Variants in ABLIM1 observed in about 807,000 individuals in gnomAD.
ABLIM1 encodes actin binding LIM protein 1.
ABLIM1 carries 40 observed loss-of-function variants against 107.0 expected under a neutral mutation model. That is an observed-to-expected ratio of 0.37 (90% confidence interval 0.29 to 0.49). The LOEUF (loss-of-function observed/expected upper bound fraction) is 0.49, where lower values mean the gene tolerates loss of function less well. Ranked by LOEUF, ABLIM1 falls within the 20% of genes least tolerant of loss-of-function variation. The pLI is 0.97. For synonymous variants in ABLIM1, 357 were observed against 357.3 expected, an observed-to-expected ratio of 1.00 and a Z score of 0.01; for missense variants, 857 against 1,008.5, an observed-to-expected ratio of 0.85 and a Z score of 2.04.
In ABLIM1 at chr10:114,485,985, C is replaced by G. The variant is rs150741825; in HGVS notation, c.1041+1973G>C. Among the ~76,000 whole-genome samples the G allele has an allele frequency of 2.8e-4, 43 of 152,308 alleles. No individual in the cohort carries two copies. In the East Asian group the frequency reaches 8.3e-3, roughly 29 times the overall value. The stretch of plus-strand genomic sequence containing the variant: ...GTACGTGGGAGCCTCTTCCTCACTT[C>G]TGAGCTTTCCAAAGACAGTGACCCA... On this transcript the variant is annotated intron_variant, in intron 8 of 22. Transcript: ENST00000533213.
In ABLIM1 at chr10:114,441,031, C is replaced by T; in HGVS notation, c.2045G>A (p.Ser682Asn). 6.3e-7 allele frequency: 1 copy of T among 1,590,618 alleles called. No individual in the cohort carries two copies. The highest frequency in any genetic ancestry group is 8.6e-7 in the Non-Finnish European group (1 of 1,167,352). The change falls in exon 19 of 23, where the codon AGC becomes AAC. Residue 682 changes from serine (S) to asparagine (N), a missense_variant. Coordinates refer to ENST00000533213, the MANE Select transcript of ABLIM1 (RefSeq NM_002313.7). ...FAQYNSYGDV[S>N]GGVRDYQTLP... ...GGGAGCCTCACCTCGCACTCCCCCG[C>T]TGACATCCCCATAGCTGTTATACTG...
At chr10:114,627,064 G>T (rs576320736) in intron 1 of ABLIM1, among the ~76,000 whole-genome samples, 16 of 152,288 alleles carry the variant, frequency 1.1e-4, no homozygotes, top group Middle Eastern at 6.8e-3. Context: ...CATTTCTGTG[G>T]TTTAAGCCGC....
upstream of ABLIM1, among the ~76,000 whole-genome samples, chr10:114,768,693 G>A (rs2082964504): frequency 6.6e-6 from 1 of 151,984 alleles, no homozygotes; most frequent in Admixed American, 6.5e-5. Context: ...TTCCTCCAGC[G>A]ACCCTCGAGT....
At chr10:114,439,858 C>T in intron 20 of ABLIM1, 1 of 651,004 alleles carries the variant, frequency 1.5e-6, no homozygotes, top group South Asian at 2.1e-5. Flanking sequence ...AGAGAGACCC[C>T]CTACACCTGG....
At chr10:114,715,538 G>A (rs760418837) in intron 1 of ABLIM1, among the ~76,000 whole-genome samples, 7 of 152,038 alleles carry the variant, frequency 4.6e-5, no homozygotes, top group East Asian at 1.9e-4. Flanking sequence ...CCAGGCTAAC[G>A]TTGCAGCTCA....
intron 10 of ABLIM1, among the ~76,000 whole-genome samples, chr10:114,471,787 T>A (rs2066625326): frequency 6.6e-6 from 1 of 151,814 alleles, no homozygotes; most frequent in Admixed American, 6.6e-5. Flanking sequence ...CAAAGCACTG[T>A]GAGATGCTAG....
chr10:114,513,506 C>T (rs1176415383), intron 6 of ABLIM1, among the ~76,000 whole-genome samples: 1 of 152,150 alleles, frequency 6.6e-6, no homozygotes, highest in African/African-American at 2.4e-5. Context: ...CTCAATTTAT[C>T]CTGAGCAGGT....
At chr10:114,583,031 G>A (rs1465115196) in intron 2 of ABLIM1, among the ~76,000 whole-genome samples, 1 of 152,026 alleles carries the variant, frequency 6.6e-6, no homozygotes, top group African/African-American at 2.4e-5. Context: ...TTAAACTAAA[G>A]AGCTTCTGCA....
chr10:114,770,088 T>C (rs1292508546), upstream of ABLIM1, among the ~76,000 whole-genome samples: 2 of 152,198 alleles, frequency 1.3e-5, no homozygotes, highest in Non-Finnish European at 2.9e-5. Context: ...AGGTTTATTT[T>C]GCCCATTACC....
At chr10:114,502,459 G>T (rs1184815251) in intron 6 of ABLIM1, 1 of 152,092 alleles carries the variant, frequency 6.6e-6, no homozygotes, top group Non-Finnish European at 1.5e-5. Context: ...CACCTTCTTT[G>T]TAGGGGGAAA....
intron 1 of ABLIM1, among the ~76,000 whole-genome samples, chr10:114,684,089 T>A (rs1161616694): frequency 1.3e-5 from 2 of 152,206 alleles, no homozygotes; most frequent in Non-Finnish European, 2.9e-5. Flanking sequence ...AGAATATATG[T>A]AAATATGTTG....
rs1555092148 is a variant in ABLIM1, at chr10:114,491,010, G to GTGTATATA, written c.982+773_982+780dup. Among the ~76,000 whole-genome samples, 10 of 89,186 alleles carry GTGTATATA rather than the reference G, an allele frequency of 1.1e-4. 1 individual carries two copies. The East Asian group carries it at 4.5e-3, about 40-fold the overall frequency. 58.5% of individuals were successfully genotyped at this position (89,186 alleles called of 152,430 possible). ...TGTGTGTGTGTGTGTGTGTGTGTGT[G>GTGTATATA]TGTATATATATATATGGTCTATTTT... On this transcript the variant is annotated intron_variant, in intron 7 of 22. Transcript: ENST00000533213.
the ABLIM1 span, among the ~76,000 whole-genome samples, chr10:114,793,472 G>C: frequency 3.0e-4 from 46 of 152,248 alleles, no homozygotes; most frequent in African/African-American, 7.9e-4. Flanking sequence ...AGAACCATGA[G>C]CCAATTAAAC....
At chr10:114,538,539 A>T (rs2066278650) in intron 6 of ABLIM1, among the ~76,000 whole-genome samples, 1 of 152,192 alleles carries the variant, frequency 6.6e-6, no homozygotes. Context: ...CACAGGTAGC[A>T]CAGTAAATAC....
rs919989961 is a variant in ABLIM1, at chr10:114,618,463, T to G, written c.245-16502A>C. Among the ~76,000 whole-genome samples, 3 of 152,198 alleles carry G rather than the reference T, an allele frequency of 2.0e-5. No individual in the cohort carries two copies. In the East Asian group the frequency reaches 5.8e-4, roughly 29 times the overall value. ...TGGGTGTTCTCAGTATTGTTTTAAC[T>G]GAAAAAAACCCTGACTCTGAGACAG... On this transcript the variant is annotated intron_variant, in intron 1 of 22. Transcript: ENST00000533213.
In ABLIM1 at chr10:114,683,616, G is replaced by A. The variant is rs542768755; in HGVS notation, c.64+674C>T. On this transcript the variant is annotated intron_variant, in intron 1 of 23. Coordinates refer to the ABLIM1 transcript ENST00000369256. ...AGGGAGGGGGCCCAGCCTACCTGCC[G>A]TATCTGGAATTACCCACGAGTCTAC... Among the ~76,000 whole-genome samples the A allele has an allele frequency of 1.8e-4, 27 of 152,188 alleles. No individual in the cohort carries two copies. In the East Asian group the frequency reaches 4.2e-3, roughly 24 times the overall value.
Position 114,473,965 on chromosome 10 carries a change from T to TA in ABLIM1, c.1042-10dup. 1 of 1,611,166 alleles carries TA rather than the reference T, an allele frequency of 6.2e-7. No homozygotes were observed. The highest frequency in any genetic ancestry group is 1.7e-5 in the Admixed American group (1 of 59,988). On this transcript the variant is annotated splice_polypyrimidine_tract_variant and intron_variant, in intron 8 of 22. Coordinates refer to ENST00000533213, the MANE Select transcript of ABLIM1 (RefSeq NM_002313.7). ...GAGGATGTCCTGGTAGGCTGTAAAA[T>TA]AAACAGTGACTTGTAAGACTTCGGA...
intron 1 of ABLIM1, among the ~76,000 whole-genome samples, chr10:114,721,781 C>A (rs1591886579): frequency 6.6e-6 from 1 of 152,120 alleles, no homozygotes; most frequent in South Asian, 2.1e-4. Context: ...AGCTACCACG[C>A]CCGGCCAAGC....
chr10:114,738,781 TA>T (rs201109393), intron 1 of ABLIM1, among the ~76,000 whole-genome samples: 24,107 of 144,564 alleles, frequency 0.17, 2,297 homozygotes, highest in East Asian at 0.46. Flanking sequence ...TGAGGCACGA[TA>T]AAAAAAAAAA....
Sources: allele counts gnomAD v4.1 joint callset (sites outside exome capture counted in the v4.1 genomes callset), GRCh38; gene constraint gnomAD v4.1.1; transcripts MANE v1.5; gene names NCBI Gene and HGNC (gene_info 2026-07-23, HGNC 2026-07-21).